The following FOXP1 variants were observed in gnomAD, a reference collection of about 807,000 sequenced individuals.
FOXP1 encodes forkhead box P1.
A neutral mutation model predicts 98.2 loss-of-function variants in FOXP1; 15 were observed. The observed-to-expected ratio is 0.15, with a 90% CI of 0.10 to 0.24. The LOEUF (loss-of-function observed/expected upper bound fraction) is 0.24, where lower values mean the gene tolerates loss of function less well. FOXP1 is among the 10% of genes least tolerant of loss of function. The pLI, the probability that FOXP1 is intolerant of heterozygous loss-of-function variation, is 1.00. For synonymous variants in FOXP1, 371 were observed against 314.5 expected (o/e 1.18, Z -1.90); for missense variants, 633 against 848.5 (o/e 0.75, Z 3.15).
chr3:71,312,445 G>A (rs1376407941), intron 4 of FOXP1, among the ~76,000 whole-genome samples: 1 of 152,226 alleles, frequency 6.6e-6, no homozygotes, highest in Admixed American at 6.5e-5. Context: ...GGAAGGAGCT[G>A]CTTACTTCAT....
At chr3:71,512,933 C>A (rs1409529372) in intron 2 of FOXP1, among the ~76,000 whole-genome samples, 1 of 152,166 alleles carries the variant, frequency 6.6e-6, no homozygotes, top group Non-Finnish European at 1.5e-5. Flanking sequence ...GGAAACGTCA[C>A]CCTCAAGAGT....
chr3:71,000,459 C>G (rs1247120399), intron 13 of FOXP1, among the ~76,000 whole-genome samples: 1 of 152,070 alleles, frequency 6.6e-6, no homozygotes, highest in East Asian at 1.9e-4. Flanking sequence ...TCCATTGCGA[C>G]TTGGGAAAAC....
At chr3:71,124,604 T>C (rs1575855129) in intron 6 of FOXP1, among the ~76,000 whole-genome samples, 1 of 151,376 alleles carries the variant, frequency 6.6e-6, no homozygotes, top group African/African-American at 2.4e-5. Context: ...ACATATTATG[T>C]TTGTGGTTAC....
intron 6 of FOXP1, among the ~76,000 whole-genome samples, chr3:71,145,059 C>G (rs2060243451): frequency 6.6e-6 from 1 of 152,168 alleles, no homozygotes; most frequent in Non-Finnish European, 1.5e-5. Flanking sequence ...GTGCCACAGT[C>G]TGCTTACGCA....
intron 11 of FOXP1, among the ~76,000 whole-genome samples, chr3:71,021,008 C>T (rs916812219): frequency 6.6e-6 from 1 of 152,166 alleles, no homozygotes; most frequent in Non-Finnish European, 1.5e-5. Flanking sequence ...GGTTGTTCTC[C>T]ACTCACTCAA....
chr3:71,338,488 G>A (rs1236896389), intron 4 of FOXP1, among the ~76,000 whole-genome samples: 3 of 152,164 alleles, frequency 2.0e-5, no homozygotes, highest in African/African-American at 7.2e-5. Flanking sequence ...CTGTCACCCA[G>A]GCAATCTCGG....
chr3:71,467,182 CATACAT>C, intron 3 of FOXP1, among the ~76,000 whole-genome samples: 1 of 152,242 alleles, frequency 6.6e-6, no homozygotes, highest in South Asian at 2.1e-4. Flanking sequence ...CACGTACATG[CATACAT>C]ACTTATGCCT....
chr3:71,034,634 T>G (rs2047339919), intron 11 of FOXP1, among the ~76,000 whole-genome samples: 3 of 152,172 alleles, frequency 2.0e-5, no homozygotes. Context: ...TGGCACACAG[T>G]AAGAGTTACA....
intron 11 of FOXP1, among the ~76,000 whole-genome samples, chr3:71,026,066 T>C (rs1338063166): frequency 6.6e-6 from 1 of 152,156 alleles, no homozygotes; most frequent in Non-Finnish European, 1.5e-5. Context: ...TATGAAAACA[T>C]ACCAACTCAT....
At chr3:71,536,491 A>C (rs2044300643) in intron 2 of FOXP1, among the ~76,000 whole-genome samples, 1 of 152,064 alleles carries the variant, frequency 6.6e-6, no homozygotes, top group Admixed American at 6.5e-5. Context: ...AGACTGTACT[A>C]AAGTCGAAGG....
At chr3:71,399,238 ATATG>A (rs1031514023) in intron 3 of FOXP1, among the ~76,000 whole-genome samples, 12 of 152,206 alleles carry the variant, frequency 7.9e-5, no homozygotes, top group African/African-American at 2.9e-4. Flanking sequence ...AGGTGTATAC[ATATG>A]TATGTGTGTA....
intron 5 of FOXP1, among the ~76,000 whole-genome samples, chr3:71,212,985 AAG>A (rs1400023249): frequency 1.3e-5 from 2 of 151,544 alleles, no homozygotes; most frequent in African/African-American, 4.9e-5. Flanking sequence ...AATGAATAAA[AAG>A]AGAAAAATGT....
intron 6 of FOXP1, among the ~76,000 whole-genome samples, chr3:71,194,261 C>CA (rs11445848): frequency 0.22 from 24,495 of 113,492 alleles, 3,752 homozygotes; most frequent in African/African-American, 0.43. Flanking sequence ...CAGGTGGTAC[C>CA]AAAAAAAAAA....
At chr3:71,238,879 T>C (rs188071382) in intron 5 of FOXP1, among the ~76,000 whole-genome samples, 2 of 152,252 alleles carry the variant, frequency 1.3e-5, no homozygotes, top group South Asian at 4.1e-4. Flanking sequence ...GTATATTTAA[T>C]AGCTTTACAC....
intron 7 of FOXP1, among the ~76,000 whole-genome samples, chr3:71,078,100 G>A (rs2054011828): frequency 6.6e-6 from 1 of 151,998 alleles, no homozygotes; most frequent in African/African-American, 2.4e-5. Context: ...CCAAAGTGCT[G>A]GGATTACAGG....
chr3:71,521,841 G>A (rs2043015226), intron 2 of FOXP1, among the ~76,000 whole-genome samples: 1 of 152,086 alleles, frequency 6.6e-6, no homozygotes, highest in African/African-American at 2.4e-5. Context: ...TCTGGCATCT[G>A]TATCCTCCTA....
At chr3:71,180,541 C>G (rs2062229458) in intron 6 of FOXP1, among the ~76,000 whole-genome samples, 1 of 152,088 alleles carries the variant, frequency 6.6e-6, no homozygotes, top group Non-Finnish European at 1.5e-5. Flanking sequence ...AGTGTCCTTC[C>G]TCTCCCCAAA....
intron 20 of FOXP1, among the ~76,000 whole-genome samples, chr3:70,961,334 A>T (rs2033433941): frequency 6.6e-6 from 1 of 151,946 alleles, no homozygotes; most frequent in Admixed American, 6.6e-5. Context: ...AGGCTCAAGT[A>T]ATTCTTCTGG....
intron 4 of FOXP1, among the ~76,000 whole-genome samples, chr3:71,327,049 A>G (rs2075734064): frequency 6.6e-6 from 1 of 152,140 alleles, no homozygotes; most frequent in Non-Finnish European, 1.5e-5. Context: ...TTAAAGTTGA[A>G]CTGCACTGCC....
Sources: gnomAD v4.1 joint callset for allele counts (sites outside exome capture counted in the v4.1 genomes callset) on GRCh38, gnomAD v4.1.1 for gene constraint, MANE v1.5 for transcripts, NCBI Gene and HGNC (gene_info 2026-07-23, HGNC 2026-07-21) for gene names.